Variants in SHROOM3 observed in about 807,000 individuals in gnomAD.
SHROOM3 encodes protein Shroom3.
Under a neutral mutation model 138.6 loss-of-function variants are expected in SHROOM3, and 47 were observed. That is an observed-to-expected ratio of 0.34 (90% CI 0.27 to 0.43). The LOEUF is 0.43. SHROOM3 is among the 20% of genes least tolerant of loss of function. SHROOM3 has a pLI of 1.00. For synonymous variants in SHROOM3, 1,062 were observed against 1,063.3 expected (o/e 1.00, Z 0.02); for missense variants, 2,491 against 2,596.5 (o/e 0.96, Z 0.88).
intron 1 of SHROOM3, among the ~76,000 whole-genome samples, chr4:76,461,040 A>G (rs1731132600): frequency 6.6e-6 from 1 of 151,696 alleles, no homozygotes; most frequent in Non-Finnish European, 1.5e-5. Flanking sequence ...AAGAAGAAAA[A>G]GCAATTAGAT....
At chr4:76,778,700 G>T in intron 10 of SHROOM3, 109 bp from the exon 11 acceptor site, 1 of 1,466,582 alleles carries the variant, frequency 6.8e-7, no homozygotes, top group Non-Finnish European at 9.5e-7. Context: ...GTGACAATAG[G>T]AATAGAGCTT....
intron 2 of SHROOM3, among the ~76,000 whole-genome samples, chr4:76,647,035 A>C (rs1460146027): frequency 6.6e-6 from 1 of 152,224 alleles, no homozygotes; most frequent in African/African-American, 2.4e-5. Context: ...GGGCAAAAGG[A>C]TAAAGAAAAT....
chr4:76,505,719 G>A lies in SHROOM3; in HGVS notation c.169-49890G>A, dbSNP rs560513110. On this transcript the variant is annotated intron_variant, in intron 1 of 10. Coordinates refer to ENST00000296043, the MANE Select transcript of SHROOM3 (RefSeq NM_020859.4). ...TCTGTTGCCCAGGCTGGAGTGCAGT[G>A]GCATGATCATAGCTCACTGCAACCT... Among the ~76,000 whole-genome samples, 5 of 146,596 alleles carry A rather than the reference G, an allele frequency of 3.4e-5. No homozygotes were observed. The East Asian group carries it at 6.0e-4, about 18-fold the overall frequency.
Position 76,559,859 on chromosome 4 carries a change from G to C in SHROOM3, c.323+4096G>C, listed in dbSNP as rs183641453. 3.9e-5 allele frequency among the ~76,000 whole-genome samples: 6 copies of C among 152,350 alleles called. No individual in the cohort carries two copies. The South Asian group carries it at 8.3e-4, about 21-fold the overall frequency. ...GATCTGCTGACCCATAAAGAAGGCA[G>C]AGTTTAGCCCTCTCTGGGAGGAGGG... On this transcript the variant is annotated intron_variant, in intron 2 of 10. Coordinates refer to ENST00000296043, the MANE Select transcript of SHROOM3 (RefSeq NM_020859.4).
rs557949987 is a variant in SHROOM3, at chr4:76,740,512, C to G, written c.2339C>G (p.Ser780Trp). The change falls in exon 5 of 11, where the codon TCG becomes TGG. Residue 780 changes from serine to tryptophan, a missense_variant. By Grantham distance (177) the Ser-to-Trp change is radical (BLOSUM62 -3). Around this residue, in one of 4 missense-constraint regions of SHROOM3, gnomAD observed 1,733 missense variants for 1,661.6 expected, o/e 1.04. Transcript: ENST00000296043. The surrounding 1 kb of genome is among the most constrained non-coding windows in gnomAD (Gnocchi z 4.0). Reference sequence around the variant, plus strand: ...TTTCAGTACGGGAAGCCCCACTGCTCGGTGCTGGAGAAGGTCTCCAAATTC... The same window carrying G: ...TTTCAGTACGGGAAGCCCCACTGCTGGGTGCTGGAGAAGGTCTCCAAATTC... ...QGFQYGKPHC[S>W]VLEKVSKFEQ... 21 of 1,613,740 alleles carry G rather than the reference C, an allele frequency of 1.3e-5. No individual in the cohort carries two copies. The highest frequency in any genetic ancestry group is 1.7e-5 in the Non-Finnish European group (20 of 1,179,902).
At chr4:76,735,856 AAAAAAAAAAAAAATATATATATATATAT>A (rs1318189884) in intron 4 of SHROOM3, among the ~76,000 whole-genome samples, 21 of 48,008 alleles carry the variant, frequency 4.4e-4, no homozygotes, top group African/African-American at 1.3e-3. Context: ...AAAAAAAAAA[AAAAAAAAAAAAAATATATATATATATAT>A]ATATATATAT....
Position 76,741,941 on chromosome 4 carries a change from C to G in SHROOM3, c.3753+15C>G. 6.2e-7 allele frequency: 1 copy of G among 1,610,664 alleles called. No individual in the cohort carries two copies. The highest frequency in any genetic ancestry group is 8.5e-7 in the Non-Finnish European group (1 of 1,179,312). On this transcript the variant is annotated intron_variant, in intron 5 of 10. Transcript: ENST00000296043. The surrounding 1 kb of genome is among the most constrained non-coding windows in gnomAD (Gnocchi z 6.2). ...ACAAGCGCCAGGTACGTGCAACCAG[C>G]AAGTCCTGGCCTCGAACTGTCCCTT... is the stretch of plus-strand genomic sequence containing the variant.
chr4:76,701,758 C>T (rs979690755), intron 2 of SHROOM3, among the ~76,000 whole-genome samples: 2 of 152,148 alleles, frequency 1.3e-5, no homozygotes, highest in African/African-American at 2.4e-5. Context: ...CCTCCACTGG[C>T]TATTTTCAGC....
chr4:76,637,344 T>C (rs1735526665), intron 2 of SHROOM3, among the ~76,000 whole-genome samples: 1 of 152,328 alleles, frequency 6.6e-6, no homozygotes, highest in South Asian at 2.1e-4. Context: ...GTTGTTTTTC[T>C]AGGTCTAATG....
At chr4:76,735,274 G>A (rs1445311577) in intron 4 of SHROOM3, among the ~76,000 whole-genome samples, 7 of 152,094 alleles carry the variant, frequency 4.6e-5, no homozygotes, top group African/African-American at 1.7e-4. Context: ...GGCATCAATG[G>A]CAAAGGTAAT....
intron 2 of SHROOM3, among the ~76,000 whole-genome samples, chr4:76,650,514 T>A (rs937601289): frequency 1.4e-4 from 20 of 147,664 alleles, no homozygotes; most frequent in Admixed American, 8.2e-4. Flanking sequence ...TTCTTTTTTT[T>A]AAGTATATTT....
chr4:76,560,425 TTCAGAC>T (rs1209637663), intron 2 of SHROOM3, among the ~76,000 whole-genome samples: 1 of 152,144 alleles, frequency 6.6e-6, no homozygotes. Flanking sequence ...TTACCCTGAG[TTCAGAC>T]TCAGACTCCT....
intron 5 of SHROOM3, among the ~76,000 whole-genome samples, chr4:76,747,571 A>G (rs1578015262): frequency 6.6e-6 from 1 of 152,226 alleles, no homozygotes; most frequent in East Asian, 1.9e-4. Context: ...AACGAAATGC[A>G]AAGGATGTAA....
At chr4:76,452,408 C>G (rs1451109837) in intron 1 of SHROOM3, among the ~76,000 whole-genome samples, 1 of 152,210 alleles carries the variant, frequency 6.6e-6, no homozygotes, top group Non-Finnish European at 1.5e-5. Context: ...TAGCCCTTAG[C>G]CCCTGGCAAC....
At chr4:76,477,557 GT>G (rs1731513920) in intron 1 of SHROOM3, among the ~76,000 whole-genome samples, 1 of 152,036 alleles carries the variant, frequency 6.6e-6, no homozygotes, top group South Asian at 2.1e-4. Context: ...CATATATATT[GT>G]TTGTATAGGT....
At chr4:76,472,649 A>C (rs909251919) in intron 1 of SHROOM3, among the ~76,000 whole-genome samples, 12 of 152,106 alleles carry the variant, frequency 7.9e-5, no homozygotes, top group Non-Finnish European at 5.9e-5. Flanking sequence ...CAGTTTAAAA[A>C]AATTATATGG....
intron 8 of SHROOM3, among the ~76,000 whole-genome samples, chr4:76,759,245 A>G (rs756210671): frequency 2.0e-5 from 3 of 152,326 alleles, no homozygotes; most frequent in Admixed American, 6.5e-5. Context: ...TCGTTCTTAT[A>G]TGAATCACAA....
chr4:76,714,304 A>G (rs1280700225), intron 3 of SHROOM3, among the ~76,000 whole-genome samples: 1 of 152,054 alleles, frequency 6.6e-6, no homozygotes, highest in Non-Finnish European at 1.5e-5. Flanking sequence ...GATCTGTGAT[A>G]TTTCCTCAGT....
chr4:76,692,742 G>A (rs1248863861), intron 2 of SHROOM3, among the ~76,000 whole-genome samples: 2 of 152,190 alleles, frequency 1.3e-5, no homozygotes, highest in African/African-American at 4.8e-5. Flanking sequence ...TTAACTGAAA[G>A]CAGCCAGATA....
Sources: gnomAD v4.1 joint callset for allele counts (sites outside exome capture counted in the v4.1 genomes callset) on GRCh38, gnomAD v4.1.1 for gene constraint, gnomAD v4.1.1 regional missense constraint, Gnocchi (gnomAD v3.1) non-coding constraint, MANE v1.5 for transcripts, NCBI Gene and HGNC (gene_info 2026-07-23, HGNC 2026-07-21) for gene names.